MAGI2: variants seen among roughly 807,000 people sequenced by gnomAD.
The protein encoded by MAGI2 is membrane-associated guanylate kinase, WW and PDZ domain-containing protein 2.
Under a neutral mutation model 133.3 loss-of-function variants are expected in MAGI2, and 35 were observed. That is an observed-to-expected ratio of 0.26 (90% CI 0.20 to 0.35). MAGI2 has a LOEUF of 0.35. Ranked by LOEUF, MAGI2 falls within the 10% of genes least tolerant of loss-of-function variation. The pLI is 1.00. For missense variants in MAGI2, 1,636 were observed against 1,863.4 expected (o/e 0.88, Z 2.25); for synonymous variants, 729 against 710.6 (o/e 1.03, Z -0.41).
At chr7:79,386,662 G>A (rs1420496719) in intron 1 of MAGI2, among the ~76,000 whole-genome samples, 1 of 151,986 alleles carries the variant, frequency 6.6e-6, no homozygotes, top group Non-Finnish European at 1.5e-5. Flanking sequence ...TAGGTTTATG[G>A]AATAACACCG....
intron 1 of MAGI2, among the ~76,000 whole-genome samples, chr7:79,398,326 C>T (rs1845206690): frequency 6.6e-6 from 1 of 152,058 alleles, no homozygotes; most frequent in Non-Finnish European, 1.5e-5. Flanking sequence ...GTCTCATTTC[C>T]CTTGTTTTGT....
At chr7:78,501,521 A>C in intron 5 of MAGI2, 56 bp downstream of exon 5, 1 of 1,422,426 alleles carries the variant, frequency 7.0e-7, no homozygotes, top group Non-Finnish European at 9.8e-7. Context: ...TTGCTACATC[A>C]TTTATATCCC....
chr7:78,926,811 G>A (rs1197923196), intron 2 of MAGI2, among the ~76,000 whole-genome samples: 1 of 151,432 alleles, frequency 6.6e-6, no homozygotes, highest in Non-Finnish European at 1.5e-5. Context: ...AGAAATCTTT[G>A]TGTTTGGTGG....
At chr7:78,388,537 G>C (rs1368752394) in intron 6 of MAGI2, among the ~76,000 whole-genome samples, 1 of 152,170 alleles carries the variant, frequency 6.6e-6, no homozygotes, top group African/African-American at 2.4e-5. Flanking sequence ...TTAAGTAGGA[G>C]GAGACTTTAT....
chr7:78,432,563 T>A (rs1799901224), intron 6 of MAGI2, among the ~76,000 whole-genome samples: 2 of 152,074 alleles, frequency 1.3e-5, no homozygotes. Context: ...TTGACTTCTT[T>A]TGAACAGAAC....
chr7:78,847,994 T>C (rs2151475704), intron 2 of MAGI2, among the ~76,000 whole-genome samples: 1 of 152,018 alleles, frequency 6.6e-6, no homozygotes, highest in East Asian at 1.9e-4. Context: ...CTCCAGAATC[T>C]CAAATTATCA....
At chr7:78,348,847 G>A (rs575548868) in intron 7 of MAGI2, among the ~76,000 whole-genome samples, 1 of 152,156 alleles carries the variant, frequency 6.6e-6, no homozygotes, top group Non-Finnish European at 1.5e-5. Context: ...CAATAGAATT[G>A]ATAAGATAGG....
chr7:78,451,631 T>C (rs1788734059), intron 6 of MAGI2, among the ~76,000 whole-genome samples: 1 of 152,078 alleles, frequency 6.6e-6, no homozygotes, highest in East Asian at 1.9e-4. Context: ...TCCCAATCTG[T>C]AAAATGGGGA....
At chr7:78,606,723 T>C (rs1329553127) in intron 3 of MAGI2, among the ~76,000 whole-genome samples, 1 of 152,242 alleles carries the variant, frequency 6.6e-6, no homozygotes, top group Non-Finnish European at 1.5e-5. Context: ...GTTTGAATTT[T>C]ATGGCATCAA....
At chr7:78,954,334 C>CT (rs1357733894) in intron 2 of MAGI2, among the ~76,000 whole-genome samples, 4 of 151,320 alleles carry the variant, frequency 2.6e-5, no homozygotes, top group Admixed American at 6.6e-5. Context: ...TGTTCTTTTT[C>CT]TTTTTTTTTC....
chr7:79,291,671 T>C (rs1437389400), intron 1 of MAGI2, among the ~76,000 whole-genome samples: 3 of 152,334 alleles, frequency 2.0e-5, no homozygotes, highest in Non-Finnish European at 2.9e-5. Flanking sequence ...ACTAATGATA[T>C]TGAGCACCTT....
At chr7:78,815,641 T>C (rs1402057959) in intron 2 of MAGI2, among the ~76,000 whole-genome samples, 1 of 152,218 alleles carries the variant, frequency 6.6e-6, no homozygotes, top group Non-Finnish European at 1.5e-5. Flanking sequence ...TATTTCAAAC[T>C]TTTTCATTAT....
intron 2 of MAGI2, among the ~76,000 whole-genome samples, chr7:78,850,834 T>C (rs1793066389): frequency 1.3e-5 from 2 of 152,084 alleles, no homozygotes; most frequent in Non-Finnish European, 2.9e-5. Flanking sequence ...TAGCAAACAA[T>C]GAAGATTTCA....
intron 19 of MAGI2, among the ~76,000 whole-genome samples, chr7:78,126,971 T>A (rs1821048608): frequency 6.6e-6 from 1 of 152,270 alleles, no homozygotes; most frequent in Admixed American, 6.5e-5. Flanking sequence ...TATTTATTTA[T>A]GTATTTATCC....
intron 2 of MAGI2, among the ~76,000 whole-genome samples, chr7:78,953,637 G>A (rs1044380741): frequency 3.9e-5 from 6 of 151,974 alleles, no homozygotes; most frequent in Non-Finnish European, 5.9e-5. Flanking sequence ...ATTAATCTTC[G>A]TAACAACAAA....
intron 10 of MAGI2, among the ~76,000 whole-genome samples, chr7:78,225,231 C>T (rs947956206): frequency 3.3e-5 from 5 of 152,140 alleles, no homozygotes; most frequent in South Asian, 2.1e-4. Flanking sequence ...TGTTTATCCC[C>T]GTGAGCAGGT....
chr7:78,681,421 C>T (rs1313594838), intron 2 of MAGI2, among the ~76,000 whole-genome samples: 1 of 152,132 alleles, frequency 6.6e-6, no homozygotes, highest in African/African-American at 2.4e-5. Context: ...CCAGCAGATT[C>T]TGTTTGCCAT....
intron 6 of MAGI2, among the ~76,000 whole-genome samples, chr7:78,386,197 A>G (rs187139246): frequency 8.5e-5 from 13 of 152,294 alleles, no homozygotes; most frequent in African/African-American, 2.6e-4. Context: ...ATAAAATACA[A>G]TAGTGATATA....
rs769770373 is a variant in MAGI2, at chr7:79,077,574, C to CAAAAAAA, written c.302-70375_302-70369dup. Among the ~76,000 whole-genome samples the CAAAAAAA allele has an allele frequency of 5.5e-4, 13 of 23,782 alleles. 1 individual carries two copies. The highest frequency in any genetic ancestry group is 1.8e-3 in the African/African-American group (12 of 6,596). 15.6% of individuals were successfully genotyped at this position (23,782 alleles called of 152,430 possible). A position where few individuals can be genotyped will look rare whatever the true frequency, so the allele number is the denominator to read the frequency against. ...TGGGCAACAGAGCGAGACTGCCTCT[C>CAAAAAAA]AAAAAAAAAAAAAAAAAAAAATAAA... On this transcript the variant is annotated intron_variant, in intron 1 of 21. Coordinates refer to ENST00000354212, the MANE Select transcript of MAGI2 (RefSeq NM_012301.4).
Sources: gnomAD v4.1 joint callset for allele counts (sites outside exome capture counted in the v4.1 genomes callset) on GRCh38, gnomAD v4.1.1 for gene constraint, MANE v1.5 for transcripts, NCBI Gene and HGNC (gene_info 2026-07-23, HGNC 2026-07-21) for gene names.